USP34: variants seen among roughly 807,000 people sequenced by gnomAD.
The protein encoded by USP34 is ubiquitin carboxyl-terminal hydrolase 34.
USP34 carries 70 observed loss-of-function variants against 460.3 expected under a neutral mutation model. The observed-to-expected ratio is 0.15, with a 90% CI of 0.13 to 0.19. The LOEUF is 0.19. USP34 is among the 10% of genes least tolerant of loss of function. USP34 has a pLI of 1.00. For synonymous variants in USP34, 1,647 were observed against 1,405.3 expected, an observed-to-expected ratio of 1.17 and a Z score of -3.85; for missense variants, 3,985 against 4,236.2, an observed-to-expected ratio of 0.94 and a Z score of 1.65.
At position 61,470,971 on chromosome 2, in the gene USP34, G is replaced by A. The variant is rs1476433211; in HGVS notation, c.-279C>T. ...GGCGGGGAAGGGGGGGAAGGACGGG[G>A]GGAGGGGAGAGGGGGGGAGGGGGCG... On this transcript the variant is annotated 5_prime_UTR_variant, in exon 1 of 80. Transcript: ENST00000398571. Among the ~76,000 whole-genome samples the A allele has an allele frequency of 1.4e-5, 2 of 139,042 alleles. No homozygotes were observed. Among genetic ancestry groups the A allele is most frequent in the Non-Finnish European group, 1.6e-5 (1 of 62,458 alleles). The allele number at this position is 139,042 out of a possible 152,430, so 91.2% of individuals were successfully genotyped here.
chr2:61,391,070 G>A (rs1286402440), intron 5 of USP34, among the ~76,000 whole-genome samples: 1 of 151,860 alleles, frequency 6.6e-6, no homozygotes, highest in Non-Finnish European at 1.5e-5. Flanking sequence ...ACTCCAGCCT[G>A]GTGACAGAGC....
intron 41 of USP34, among the ~76,000 whole-genome samples, chr2:61,266,407 C>T (rs371313817): frequency 2.0e-5 from 3 of 152,144 alleles, no homozygotes; most frequent in Non-Finnish European, 4.4e-5. Flanking sequence ...AGACTCTTCA[C>T]GTACAATGTT....
At chr2:61,209,039 GAAA>G in intron 69 of USP34, 62 bp from the exon 70 acceptor site, 1 of 1,031,234 alleles carries the variant, frequency 9.7e-7, no homozygotes, top group South Asian at 2.3e-5. Flanking sequence ...CTTAGGTGAT[GAAA>G]AAATAAAAAG....
intron 48 of USP34, among the ~76,000 whole-genome samples, chr2:61,252,285 T>C (rs1256847645): frequency 2.6e-5 from 4 of 152,322 alleles, no homozygotes; most frequent in South Asian, 4.1e-4. Context: ...CTGAGCTCAA[T>C]TGCTGGGTTG....
chr2:61,467,348 C>T (rs1383327965), intron 1 of USP34, among the ~76,000 whole-genome samples: 1 of 152,008 alleles, frequency 6.6e-6, no homozygotes, highest in African/African-American at 2.4e-5. Flanking sequence ...AGCAGTCTTA[C>T]TATGTTGCCC....
intron 43 of USP34, among the ~76,000 whole-genome samples, chr2:61,260,425 ATTC>A (rs990282944): frequency 4.6e-5 from 7 of 152,240 alleles, no homozygotes; most frequent in Admixed American, 3.9e-4. Context: ...AGTAGGTATT[ATTC>A]TTATTACAAA....
At position 61,220,397 on chromosome 2, in the gene USP34, T is replaced by C; in HGVS notation, c.7960A>G (p.Lys2654Glu). 1 of 1,614,050 alleles carries C rather than the reference T, an allele frequency of 6.2e-7. No individual in the cohort carries two copies. Among genetic ancestry groups the C allele is most frequent in the Non-Finnish European group, 8.5e-7 (1 of 1,179,960 alleles). Residue 2654 changes from lysine to glutamate, a missense_variant, in exon 67 of 80, where the codon AAA becomes GAA. This residue lies in a region of USP34 where 604 missense variants were observed against 684.8 expected (regional missense o/e 0.88). Transcript: ENST00000398571. ...DWLAVQTPRNKLAHSWVLQNM... is the reference protein window; with the variant it reads ...DWLAVQTPRNELAHSWVLQNM... Reference sequence around the variant, plus strand: ...TGTAAGACCCAGCTGTGTGCCAGTTTATTTCGGGGTGTCTGCACTGCCAAC... The same window carrying C: ...TGTAAGACCCAGCTGTGTGCCAGTTCATTTCGGGGTGTCTGCACTGCCAAC...
At chr2:61,343,005 T>C (rs1034250528) in intron 16 of USP34, among the ~76,000 whole-genome samples, 1 of 152,136 alleles carries the variant, frequency 6.6e-6, no homozygotes, top group Admixed American at 6.6e-5. Context: ...AGACAGATCA[T>C]GTACAAAAAA....
At chr2:61,314,478 T>C in intron 25 of USP34, 107 bp downstream of exon 25, 1 of 1,023,494 alleles carries the variant, frequency 9.8e-7, no homozygotes, top group Non-Finnish European at 1.3e-6. Context: ...AAATTATGCT[T>C]TCTACTTGAC....
In USP34 at chr2:61,301,532, C is replaced by G. The variant is rs146452027; in HGVS notation, c.3818-78G>C. On this transcript the variant is annotated intron_variant, in intron 27 of 79. Transcript: ENST00000398571. ...TGCTGATAAGAATATGTAGTTGTAGCAATTAAACACACTGTATGTTAAGTT... is the reference window on the plus strand; with the variant it reads ...TGCTGATAAGAATATGTAGTTGTAGGAATTAAACACACTGTATGTTAAGTT... 1,084 of 1,189,424 alleles carry G rather than the reference C, an allele frequency of 9.1e-4. 2 individuals are homozygous for G. The highest frequency in any genetic ancestry group is 1.2e-3 in the Non-Finnish European group (987 of 817,030). 73.7% of individuals were successfully genotyped at this position (1,189,424 alleles called of 1,614,324 possible).
At chr2:61,384,223 A>G (rs1558562516) in intron 5 of USP34, among the ~76,000 whole-genome samples, 1 of 152,184 alleles carries the variant, frequency 6.6e-6, no homozygotes, top group African/African-American at 2.4e-5. Flanking sequence ...ATATTTCCTC[A>G]TTTTTTCTAC....
chr2:61,211,536 G>T (rs1047694753), intron 69 of USP34, among the ~76,000 whole-genome samples: 7 of 152,062 alleles, frequency 4.6e-5, no homozygotes, highest in Admixed American at 3.9e-4. Context: ...TTCAAGCTTT[G>T]GGTAGAAGGC....
chr2:61,368,072 G>A (rs1375109667), intron 10 of USP34, among the ~76,000 whole-genome samples: 1 of 152,104 alleles, frequency 6.6e-6, no homozygotes, highest in African/African-American at 2.4e-5. Flanking sequence ...TGGGTGACAG[G>A]GTCTCTGTTA....
chr2:61,295,245 C>T lies in USP34; in HGVS notation c.4300G>A (p.Ala1434Thr), dbSNP rs769870931. Residue 1434 changes from alanine to threonine, a missense_variant, in exon 31 of 80, where the codon GCC becomes ACC. Physicochemically the swap from Ala to Thr is moderately conservative, Grantham distance 58 (BLOSUM62 0). Transcript: ENST00000398571. Reference protein sequence around the residue: ...NWKELLKIKSAHKLLYALEII... With the variant: ...NWKELLKIKSTHKLLYALEII... Reference sequence around the variant, plus strand: ...TCCAGAGCATACAATAGCTTGTGGGCGCTCTTAATTTTGAGAAGTTCTTTC... The same window carrying T: ...TCCAGAGCATACAATAGCTTGTGGGTGCTCTTAATTTTGAGAAGTTCTTTC... 24 of 1,608,226 alleles carry T rather than the reference C, an allele frequency of 1.5e-5. No homozygotes were observed. Among genetic ancestry groups the T allele is most frequent in the East Asian group, 2.2e-5 (1 of 44,630 alleles).
chr2:61,372,990 A>G (rs1162694790), intron 8 of USP34, among the ~76,000 whole-genome samples: 2 of 152,174 alleles, frequency 1.3e-5, no homozygotes, highest in East Asian at 3.9e-4. Flanking sequence ...GGAGTAAGAG[A>G]AAAACAACTA....
intron 75 of USP34, among the ~76,000 whole-genome samples, chr2:61,194,916 G>A (rs1686752396): frequency 6.8e-6 from 1 of 146,560 alleles, no homozygotes; most frequent in South Asian, 2.1e-4. Context: ...TCGTGCCATT[G>A]CACTCCAGCC....
intron 53 of USP34, among the ~76,000 whole-genome samples, chr2:61,237,055 G>C (rs1401455287): frequency 1.3e-5 from 2 of 152,124 alleles, no homozygotes; most frequent in Non-Finnish European, 2.9e-5. Flanking sequence ...TTCCACTGAA[G>C]ATTTTCAACT....
At chr2:61,416,576 A>C (rs1278108115) in intron 2 of USP34, among the ~76,000 whole-genome samples, 1 of 152,184 alleles carries the variant, frequency 6.6e-6, no homozygotes, top group African/African-American at 2.4e-5. Context: ...AAAGAAAAAA[A>C]ATCAACACTT....
intron 38 of USP34, 24 bp downstream of exon 38, chr2:61,281,066 C>T (rs1370906638): frequency 1.9e-6 from 3 of 1,606,938 alleles, no homozygotes; most frequent in South Asian, 1.1e-5. Context: ...ATAGAAACTG[C>T]TTCTAAACAC....
Sources: allele counts gnomAD v4.1 joint callset (sites outside exome capture counted in the v4.1 genomes callset), GRCh38; gene constraint gnomAD v4.1.1; regional missense constraint gnomAD v4.1.1; transcripts MANE v1.5; gene names NCBI Gene and HGNC (gene_info 2026-07-23, HGNC 2026-07-21).